Variants in ASRGL1 observed in about 807,000 individuals in gnomAD.
ASRGL1 encodes the protein asparaginase and isoaspartyl peptidase 1.
A neutral mutation model predicts 22.4 loss-of-function variants in ASRGL1; 16 were observed. That is an observed-to-expected ratio of 0.71 (90% CI 0.48 to 1.08). ASRGL1 has a LOEUF of 1.08. Ranked by LOEUF, ASRGL1 falls within the 50% of genes least tolerant of loss-of-function variation. ASRGL1 has a pLI of 0.00. For synonymous variants in ASRGL1, 165 were observed against 159.3 expected (o/e 1.04, Z -0.27); for missense variants, 412 against 410.1 (o/e 1.00, Z -0.04).
intron 2 of ASRGL1, among the ~76,000 whole-genome samples, chr11:62,353,726 G>A (rs1166624424): frequency 6.6e-6 from 1 of 152,012 alleles, no homozygotes; most frequent in Non-Finnish European, 1.5e-5. Context: ...TTTTCCTTAG[G>A]TTGAGATGTT....
intron 4 of ASRGL1, among the ~76,000 whole-genome samples, chr11:62,365,257 AGAG>A (rs1403616487): frequency 6.6e-6 from 1 of 152,086 alleles, no homozygotes; most frequent in Non-Finnish European, 1.5e-5. Context: ...AAATTTGCTA[AGAG>A]GAGATTTTAG....
rs1479374266 is a variant in ASRGL1 at position 62,392,964 on chromosome 11, C to G, written c.*680C>G. The G allele has an allele frequency of 6.6e-6, 1 of 152,476 alleles. No homozygotes were observed. Among genetic ancestry groups the G allele is most frequent in the Non-Finnish European group, 1.5e-5 (1 of 68,264 alleles). The allele number at this position is 152,476 out of a possible 1,614,324, so 9.4% of individuals were successfully genotyped here. On this transcript the variant is annotated 3_prime_UTR_variant, in exon 7 of 7. Transcript: ENST00000415229. ...GAGATGGGAGGTCATAAGGGAGACG[C>G]TGTGGGGTTCCTTGAAGTTTCTTGG...
At chr11:62,381,419 C>G (rs939174854) in intron 4 of ASRGL1, among the ~76,000 whole-genome samples, 12 of 152,122 alleles carry the variant, frequency 7.9e-5, no homozygotes, top group Non-Finnish European at 1.5e-4. Flanking sequence ...CTTTCCATTC[C>G]TTTCTGGGAT....
At chr11:62,362,212 A>C (rs1457814370) in intron 4 of ASRGL1, among the ~76,000 whole-genome samples, 1 of 151,908 alleles carries the variant, frequency 6.6e-6, no homozygotes, top group Non-Finnish European at 1.5e-5. Flanking sequence ...ATATGCCCAA[A>C]GATGGAATAT....
chr11:62,355,373 G>A (rs1034465156), intron 2 of ASRGL1, among the ~76,000 whole-genome samples: 2 of 151,936 alleles, frequency 1.3e-5, no homozygotes, highest in Non-Finnish European at 2.9e-5. Context: ...CTACAGGTGC[G>A]GGCCACCATG....
chr11:62,394,190 A>G (rs1733077509), downstream of ASRGL1, among the ~76,000 whole-genome samples: 1 of 134,664 alleles, frequency 7.4e-6, no homozygotes. Context: ...AAATATATAT[A>G]CTATTATATA....
At chr11:62,384,131 T>G (rs1241307996) in intron 4 of ASRGL1, among the ~76,000 whole-genome samples, 1 of 149,002 alleles carries the variant, frequency 6.7e-6, no homozygotes, top group African/African-American at 2.5e-5. Context: ...AAGTCATCAT[T>G]GGTAGTTTGT....
chr11:62,393,702 T>C (rs11231072), downstream of ASRGL1, among the ~76,000 whole-genome samples: 1 of 151,982 alleles, frequency 6.6e-6, no homozygotes, highest in Non-Finnish European at 1.5e-5. Flanking sequence ...ACTCCCCCTT[T>C]AGAAACAAGT....
At chr11:62,357,271 A>G (rs1169165234) in intron 4 of ASRGL1, 127 bp downstream of exon 4, 8 of 216,252 alleles carry the variant, frequency 3.7e-5, no homozygotes, top group Non-Finnish European at 4.6e-5. Flanking sequence ...TTTGTTTGAC[A>G]CGGAGTCTCT....
intron 4 of ASRGL1, among the ~76,000 whole-genome samples, chr11:62,365,051 A>G (rs7118756): frequency 0.98 from 144,723 of 147,374 alleles, 71,122 homozygotes; most frequent in East Asian, 1. Flanking sequence ...CCTGGGTGAC[A>G]AGCAAAACTC....
chr11:62,386,399 ATTG>A (rs1230513885), intron 4 of ASRGL1, among the ~76,000 whole-genome samples: 32 of 69,134 alleles, frequency 4.6e-4, no homozygotes, highest in African/African-American at 9.7e-4. Context: ...TTATTTTATT[ATTG>A]TTAATCTCTT....
chr11:62,372,752 T>C (rs1490081186), intron 4 of ASRGL1: 56 of 1,540,544 alleles, frequency 3.6e-5, no homozygotes, highest in Non-Finnish European at 4.2e-5. Flanking sequence ...TTGACTTCCC[T>C]GGGCATGGGG....
At position 62,338,133 on chromosome 11, in the gene ASRGL1, CG is replaced by C. The variant is rs1565149230; in HGVS notation, c.157del (p.Val53SerfsTer17). The stretch of plus-strand genomic sequence containing the variant: ...CCGTGGATGCCGTAGAGGGAGCTGT[CG>C]TCGCCCTGGAAGACGATCCCGAGTT... ...SAVDAVEGAV[V>X]ALEDDPEFNA... On this transcript the variant is annotated frameshift_variant, in exon 2 of 7. Transcript: ENST00000415229. LOFTEE classifies it high-confidence loss of function. 6.3e-7 allele frequency: 1 copy of C among 1,593,536 alleles called. No homozygotes were observed. The highest frequency in any genetic ancestry group is 1.1e-5 in the South Asian group (1 of 87,782).
intron 4 of ASRGL1, among the ~76,000 whole-genome samples, chr11:62,358,603 A>C (rs1423766603): frequency 6.6e-6 from 1 of 152,136 alleles, no homozygotes; most frequent in Admixed American, 6.6e-5. Flanking sequence ...TGGTCCCTGC[A>C]CTTTAAAGGA....
intron 2 of ASRGL1, among the ~76,000 whole-genome samples, chr11:62,343,918 CTTTT>C (rs34446979): frequency 4.0e-5 from 4 of 100,648 alleles, no homozygotes; most frequent in Admixed American, 1.2e-4. Context: ...TCATGCATTT[CTTTT>C]TTTTTTTTTT....
rs375821699 is a variant in ASRGL1, at chr11:62,344,161, G to T, written c.190+5994G>T. On this transcript the variant is annotated intron_variant, in intron 2 of 6. Transcript: ENST00000415229. Reference sequence around the variant, plus strand: ...TCCACACACCTCAGCCTCCTAAAGGGCTGGGATTACAGGTGTGAGCCACTG... The same window carrying T: ...TCCACACACCTCAGCCTCCTAAAGGTCTGGGATTACAGGTGTGAGCCACTG... Among the ~76,000 whole-genome samples the T allele has an allele frequency of 2.6e-4, 39 of 152,008 alleles. 1 individual carries two copies. The highest frequency in any genetic ancestry group is 1.9e-3 in the East Asian group (10 of 5,190).
chr11:62,346,416 C>T (rs1422020635), intron 2 of ASRGL1, among the ~76,000 whole-genome samples: 1 of 152,112 alleles, frequency 6.6e-6, no homozygotes, highest in Non-Finnish European at 1.5e-5. Flanking sequence ...AAAAGCTCTC[C>T]CATCATCAGC....
chr11:62,395,520 A>T (rs1213046876), downstream of ASRGL1, among the ~76,000 whole-genome samples: 1 of 152,016 alleles, frequency 6.6e-6, no homozygotes, highest in Non-Finnish European at 1.5e-5. Flanking sequence ...CATTTTTCTC[A>T]AATAATATTC....
At chr11:62,355,463 A>T (rs1946261012) in intron 2 of ASRGL1, among the ~76,000 whole-genome samples, 1 of 151,586 alleles carries the variant, frequency 6.6e-6, no homozygotes, top group Non-Finnish European at 1.5e-5. Flanking sequence ...TGACCTCATG[A>T]TCTGCCCGCC....
Sources: allele counts gnomAD v4.1 joint callset (sites outside exome capture counted in the v4.1 genomes callset), GRCh38; gene constraint gnomAD v4.1.1; transcripts MANE v1.5; gene names NCBI Gene and HGNC (gene_info 2026-07-23, HGNC 2026-07-21).